OTUD7B: variants seen among roughly 807,000 people sequenced by gnomAD.
OTUD7B encodes OTU deubiquitinase 7B, also known as OTU domain-containing protein 7B.
OTUD7B carries 34 observed loss-of-function variants against 82.2 expected under a neutral mutation model. That is an observed-to-expected ratio of 0.41 (90% CI 0.31 to 0.55). OTUD7B has a LOEUF of 0.55. Among genes scored for constraint, OTUD7B ranks in the 20% least tolerant of loss-of-function variants. The pLI is 0.20. For missense variants in OTUD7B, 944 were observed against 1,062.1 expected, an observed-to-expected ratio of 0.89 and a Z score of 1.55; for synonymous variants, 398 against 402.7, an observed-to-expected ratio of 0.99 and a Z score of 0.14.
In OTUD7B at chr1:149,949,763, G is replaced by A; in HGVS notation, c.989C>T (p.Pro330Leu). ...DSGGEAFAPI[P>L]FGGIYLPLEV... ...CAAAGGCAGATAGATTCCTCCAAAG[G>A]GAATAGGGGCAAATGCTGCAGGAAG... Residue 330 changes from proline to leucine, a missense_variant, in exon 9 of 12, where the codon CCC (proline) becomes CTC (leucine). Around this residue, in one of 3 missense-constraint regions of OTUD7B, gnomAD observed 530 missense variants for 625.6 expected, o/e 0.85. Coordinates refer to ENST00000581312, the MANE Select transcript of OTUD7B (RefSeq NM_020205.4). 1 of 1,614,094 alleles carries A rather than the reference G, an allele frequency of 6.2e-7. No individual in the cohort carries two copies.
At chr1:150,045,195 G>A in the OTUD7B span, among the ~76,000 whole-genome samples, 7,583 of 151,434 alleles carry the variant, frequency 0.05, 290 homozygotes, top group Non-Finnish European at 0.082. Flanking sequence ...AGGTTCAAGC[G>A]ATTGTCATGC....
upstream of OTUD7B, among the ~76,000 whole-genome samples, chr1:150,013,288 A>C (rs587656173): frequency 6.6e-6 from 1 of 152,326 alleles, no homozygotes; most frequent in East Asian, 1.9e-4. Context: ...GAGCTTTTAC[A>C]TCACTTTAAG....
intron 2 of OTUD7B, among the ~76,000 whole-genome samples, chr1:149,975,254 T>C (rs1259307362): frequency 6.6e-6 from 1 of 152,172 alleles, no homozygotes; most frequent in African/African-American, 2.4e-5. Flanking sequence ...TAAGTTAGGG[T>C]TCTTTCTTCA....
At chr1:149,951,045 C>T (rs1267306390) in intron 7 of OTUD7B, among the ~76,000 whole-genome samples, 3 of 114,528 alleles carry the variant, frequency 2.6e-5, no homozygotes, top group African/African-American at 6.7e-5. Context: ...TGCAGTGGTG[C>T]GATTTGGGCT....
chr1:150,010,885 C>T (rs139610126), upstream of OTUD7B, among the ~76,000 whole-genome samples: 78 of 152,266 alleles, frequency 5.1e-4, no homozygotes, highest in East Asian at 0.014. Flanking sequence ...GCTTGCCCCG[C>T]GCGTGACCCC....
the OTUD7B span, among the ~76,000 whole-genome samples, chr1:150,026,669 C>T: frequency 6.6e-6 from 1 of 152,120 alleles, no homozygotes; most frequent in South Asian, 2.1e-4. Context: ...AAGCCCAGGG[C>T]TACTTAAGGC....
chr1:149,991,704 G>A (rs979587372), intron 1 of OTUD7B, among the ~76,000 whole-genome samples: 6 of 152,088 alleles, frequency 3.9e-5, no homozygotes, highest in African/African-American at 1.4e-4. Flanking sequence ...ACTGAGTACC[G>A]AATATAAATC....
At chr1:149,984,906 G>A (rs1427258798) in intron 1 of OTUD7B, among the ~76,000 whole-genome samples, 1 of 152,016 alleles carries the variant, frequency 6.6e-6, no homozygotes, top group African/African-American at 2.4e-5. Flanking sequence ...ACCTTCCACA[G>A]GCTACAGCTC....
intron 1 of OTUD7B, among the ~76,000 whole-genome samples, chr1:150,005,056 T>A (rs1382225707): frequency 2.6e-5 from 4 of 152,086 alleles, no homozygotes; most frequent in African/African-American, 9.7e-5. Context: ...TGAAATGAGT[T>A]ATAATTCCTC....
At chr1:150,011,997 G>C (rs968895305), upstream of OTUD7B, among the ~76,000 whole-genome samples, 10 of 152,196 alleles carry the variant, frequency 6.6e-5, no homozygotes, top group African/African-American at 2.4e-4. Flanking sequence ...CGAAAATTTA[G>C]GGCTGGGCCC....
intron 11 of OTUD7B, among the ~76,000 whole-genome samples, chr1:149,947,015 T>C (rs1428200693): frequency 6.6e-6 from 1 of 152,216 alleles, no homozygotes; most frequent in Non-Finnish European, 1.5e-5. Flanking sequence ...ATTGTGCCAT[T>C]GCACTCCAGC....
At chr1:149,957,691 G>A (rs1465689196) in intron 7 of OTUD7B, among the ~76,000 whole-genome samples, 2 of 152,162 alleles carry the variant, frequency 1.3e-5, no homozygotes, top group Non-Finnish European at 2.9e-5. Flanking sequence ...CACCCAGTTC[G>A]AGCTTCCCGG....
At chr1:150,055,963 A>C in the OTUD7B span, among the ~76,000 whole-genome samples, 1 of 152,076 alleles carries the variant, frequency 6.6e-6, no homozygotes, top group East Asian at 1.9e-4. Flanking sequence ...TGGCTAAATA[A>C]TCTGTACAAC....
intron 10 of OTUD7B, among the ~76,000 whole-genome samples, chr1:149,947,668 T>A (rs1364866271): frequency 6.6e-6 from 1 of 152,168 alleles, no homozygotes; most frequent in Admixed American, 6.5e-5. Context: ...GTTGTAAATA[T>A]TATTTAGAAG....
chr1:149,985,857 C>T (rs1434822809), intron 1 of OTUD7B, among the ~76,000 whole-genome samples: 1 of 152,100 alleles, frequency 6.6e-6, no homozygotes, highest in Non-Finnish European at 1.5e-5. Context: ...TGGGAGTTCC[C>T]GAAGTGTACT....
chr1:150,059,789 G>C, the OTUD7B span, among the ~76,000 whole-genome samples: 1 of 151,884 alleles, frequency 6.6e-6, no homozygotes, highest in South Asian at 2.1e-4. Context: ...TCTTCAAAGA[G>C]AGGGAAAAAA....
At chr1:150,025,432 AACACACACACAC>A in the OTUD7B span, among the ~76,000 whole-genome samples, 31,524 of 146,962 alleles carry the variant, frequency 0.21, 3,476 homozygotes, top group East Asian at 0.34. Context: ...AAGCAAACAA[AACACACACACAC>A]ACACACACAC....
chr1:150,001,572 A>T (rs1405350702), intron 1 of OTUD7B, among the ~76,000 whole-genome samples: 1 of 152,212 alleles, frequency 6.6e-6, no homozygotes, highest in Non-Finnish European at 1.5e-5. Context: ...TATCTCCCCT[A>T]AAACAGCCAA....
the OTUD7B span, chr1:150,054,256 C>T: frequency 2.2e-6 from 1 of 457,968 alleles, no homozygotes; most frequent in African/African-American, 2.0e-5. Flanking sequence ...GAAAAAAACC[C>T]TTCAGTCAGC....
Sources: allele counts gnomAD v4.1 joint callset (sites outside exome capture counted in the v4.1 genomes callset), GRCh38; gene constraint gnomAD v4.1.1; regional missense constraint gnomAD v4.1.1; transcripts MANE v1.5; gene names NCBI Gene and HGNC (gene_info 2026-07-23, HGNC 2026-07-21).